NIPA1: variants seen among roughly 807,000 people sequenced by gnomAD.
NIPA1 encodes magnesium transporter NIPA1.
Under a neutral mutation model 23.9 loss-of-function variants are expected in NIPA1, and 13 were observed. That is an observed-to-expected ratio of 0.54 (90% CI 0.35 to 0.87). The LOEUF is 0.87. Among genes scored for constraint, NIPA1 ranks in the 40% least tolerant of loss-of-function variants. The pLI is 0.01. For synonymous variants in NIPA1, 234 were observed against 202.9 expected, an observed-to-expected ratio of 1.15 and a Z score of -1.30; for missense variants, 362 against 429.7, an observed-to-expected ratio of 0.84 and a Z score of 1.39.
intron 3 of NIPA1, among the ~76,000 whole-genome samples, chr15:22,815,997 C>T (rs1895407182): frequency 1.3e-5 from 2 of 152,022 alleles, no homozygotes; most frequent in Admixed American, 1.3e-4. Flanking sequence ...TACTTAATGG[C>T]ACAAGGGTTG....
chr15:22,814,020 G>A, intron 3 of NIPA1: 1 of 804,014 alleles, frequency 1.2e-6, no homozygotes, highest in Non-Finnish European at 1.8e-6. Flanking sequence ...CCTTAGAACT[G>A]TTCTCATGCA....
chr15:22,808,959 C>T (rs936062042), intron 1 of NIPA1, among the ~76,000 whole-genome samples: 1 of 152,094 alleles, frequency 6.6e-6, no homozygotes, highest in Non-Finnish European at 1.5e-5. Flanking sequence ...TGTGAGCCGC[C>T]GGGCCCAGCC....
chr15:22,827,064 A>G lies in NIPA1; in HGVS notation c.*2825A>G, dbSNP rs987565809. 6.6e-6 allele frequency: 1 copy of G among 152,154 alleles called. No individual in the cohort carries two copies. The highest frequency in any genetic ancestry group is 1.5e-5 in the Non-Finnish European group (1 of 68,016). 9.4% of individuals were successfully genotyped at this position (152,154 alleles called of 1,614,324 possible). On this transcript the variant is annotated 3_prime_UTR_variant, in exon 5 of 5. Transcript: ENST00000337435. ...GATAGATCTCTTAGTGGTCTTTCCAAAAGTACATGTACTTGAAATATTTTC... is the reference window on the plus strand; with the variant it reads ...GATAGATCTCTTAGTGGTCTTTCCAGAAGTACATGTACTTGAAATATTTTC...
At chr15:22,797,598 C>T (rs1894967077) in intron 1 of NIPA1, among the ~76,000 whole-genome samples, 1 of 144,718 alleles carries the variant, frequency 6.9e-6, no homozygotes. Context: ...TTCCACCTCC[C>T]GTTCAAGCAG....
chr15:22,793,907 A>ATTTAT (rs568813807), intron 1 of NIPA1, among the ~76,000 whole-genome samples: 264 of 152,098 alleles, frequency 1.7e-3, no homozygotes, highest in Non-Finnish European at 2.8e-3. Context: ...TGGGTTCTTT[A>ATTTAT]TTCTGTCCCA....
Position 22,824,394 on chromosome 15 carries a change from AC to A in NIPA1, c.*157del. ...TGGATAGCGGGGAGCATGGCTCAGC[AC>A]CAGAGCAGAGGCCCAGCCAGCCCTC... On this transcript the variant is annotated 3_prime_UTR_variant, in exon 5 of 5. Coordinates refer to ENST00000337435, the MANE Select transcript of NIPA1 (RefSeq NM_144599.5). This position sits in a 1 kb window ranked among gnomAD's most constrained non-coding sequence, Gnocchi z 4.1. 1.4e-6 allele frequency: 1 copy of A among 738,150 alleles called. No homozygotes were observed. Among genetic ancestry groups the A allele is most frequent in the Non-Finnish European group, 2.3e-6 (1 of 426,056 alleles). The allele number at this position is 738,150 out of a possible 1,614,324, so 45.7% of individuals were successfully genotyped here.
At chr15:22,787,160 G>A (rs1395949304) in intron 1 of NIPA1, among the ~76,000 whole-genome samples, 1 of 151,976 alleles carries the variant, frequency 6.6e-6, no homozygotes, top group Non-Finnish European at 1.5e-5. Context: ...TTTTTCCCTC[G>A]GTCCAAGACC....
At chr15:22,801,550 C>T (rs867344893) in intron 1 of NIPA1, among the ~76,000 whole-genome samples, 9 of 131,344 alleles carry the variant, frequency 6.9e-5, no homozygotes, top group South Asian at 2.5e-4. Context: ...GAGTCTTGCT[C>T]TGTCACCCAG....
chr15:22,800,166 A>G (rs1396364321), intron 1 of NIPA1, among the ~76,000 whole-genome samples: 1 of 151,932 alleles, frequency 6.6e-6, no homozygotes, highest in African/African-American at 2.4e-5. Flanking sequence ...GAATTACTCA[A>G]CCACAACAAC....
chr15:22,804,090 C>T (rs139690715), intron 1 of NIPA1, among the ~76,000 whole-genome samples: 6 of 152,154 alleles, frequency 3.9e-5, no homozygotes, highest in African/African-American at 9.6e-5. Flanking sequence ...GATTCTCCTG[C>T]GTCAGCGTCC....
chr15:22,810,167 G>A (rs1895291238), intron 1 of NIPA1, among the ~76,000 whole-genome samples: 1 of 152,204 alleles, frequency 6.6e-6, no homozygotes, highest in Non-Finnish European at 1.5e-5. Context: ...AGGTGCTGGG[G>A]CTCCGCCTGC....
intron 4 of NIPA1, among the ~76,000 whole-genome samples, chr15:22,821,602 C>G (rs1414693021): frequency 2.0e-5 from 3 of 151,968 alleles, no homozygotes; most frequent in East Asian, 3.9e-4. Context: ...TTTTCTTGTC[C>G]ACACTGGCTG....
At chr15:22,790,724 T>C (rs1894808673) in intron 1 of NIPA1, among the ~76,000 whole-genome samples, 1 of 152,120 alleles carries the variant, frequency 6.6e-6, no homozygotes, top group Non-Finnish European at 1.5e-5. Context: ...TTGATGAAGC[T>C]CTTGTAATGC....
At chr15:22,821,525 C>G (rs1418780351) in intron 4 of NIPA1, among the ~76,000 whole-genome samples, 4 of 151,200 alleles carry the variant, frequency 2.6e-5, no homozygotes, top group Non-Finnish European at 4.4e-5. Context: ...TCCACACTCA[C>G]TGGTTTTGTC....
At position 22,827,144 on chromosome 15, in the gene NIPA1, C is replaced by A. The variant is rs1388426587; in HGVS notation, c.*2905C>A. 1.3e-5 allele frequency: 2 copies of A among 152,116 alleles called. No individual in the cohort carries two copies. Among genetic ancestry groups the A allele is most frequent in the Non-Finnish European group, 2.9e-5 (2 of 68,010 alleles). 9.4% of individuals were successfully genotyped at this position (152,116 alleles called of 1,614,324 possible). ...TGCTTACTGTATACTTGTTTTCAAG[C>A]ATCCTCTAAAATCAAAGGTTTTGAT... On this transcript the variant is annotated 3_prime_UTR_variant, in exon 5 of 5. Transcript: ENST00000337435.
intron 4 of NIPA1, among the ~76,000 whole-genome samples, chr15:22,821,514 G>A (rs115976165): frequency 0.018 from 2,623 of 148,134 alleles, 82 homozygotes; most frequent in African/African-American, 0.062. Flanking sequence ...TGGTTTTCTC[G>A]TCCACACTCA....
intron 1 of NIPA1, among the ~76,000 whole-genome samples, chr15:22,802,569 G>T (rs1034529341): frequency 6.6e-6 from 1 of 151,794 alleles, no homozygotes; most frequent in African/African-American, 2.4e-5. Context: ...AAGTATTGGG[G>T]TATAATTGCA....
At chr15:22,814,915 T>C (rs1481681549) in intron 3 of NIPA1, among the ~76,000 whole-genome samples, 1 of 152,142 alleles carries the variant, frequency 6.6e-6, no homozygotes, top group Non-Finnish European at 1.5e-5. Flanking sequence ...GCCAGATAAC[T>C]CTTTGTTGAG....
At chr15:22,805,203 A>G (rs1332905338) in intron 1 of NIPA1, among the ~76,000 whole-genome samples, 1 of 152,170 alleles carries the variant, frequency 6.6e-6, no homozygotes, top group Non-Finnish European at 1.5e-5. Context: ...CATAATTGCC[A>G]AACTATTTCT....
Sources: allele counts gnomAD v4.1 joint callset (sites outside exome capture counted in the v4.1 genomes callset), GRCh38; gene constraint gnomAD v4.1.1; non-coding constraint Gnocchi (gnomAD v3.1); transcripts MANE v1.5; gene names NCBI Gene and HGNC (gene_info 2026-07-23, HGNC 2026-07-21).